Variants in ANGPT2 observed in about 807,000 individuals in gnomAD.
The protein encoded by ANGPT2 is angiopoietin 2.
Under a neutral mutation model 62.9 loss-of-function variants are expected in ANGPT2, and 28 were observed. That is an observed-to-expected ratio of 0.44 (90% confidence interval 0.33 to 0.61). The LOEUF is 0.61. Among genes scored for constraint, ANGPT2 ranks in the 20% least tolerant of loss-of-function variants. The pLI, the probability that ANGPT2 is intolerant of heterozygous loss-of-function variation, is 0.03. For synonymous variants in ANGPT2, 284 were observed against 207.8 expected (o/e 1.37, Z -3.15); for missense variants, 727 against 594.9 (o/e 1.22, Z -2.31).
At chr8:6,558,247 C>G (rs1824968454) in intron 1 of ANGPT2, among the ~76,000 whole-genome samples, 1 of 152,138 alleles carries the variant, frequency 6.6e-6, no homozygotes, top group South Asian at 2.1e-4. Context: ...TCTCTGAGTG[C>G]TAATCTCCAA....
chr8:6,526,105 A>G (rs908829481), intron 3 of ANGPT2, among the ~76,000 whole-genome samples: 1 of 152,072 alleles, frequency 6.6e-6, no homozygotes, highest in East Asian at 1.9e-4. Context: ...TTTGAAGAGA[A>G]CATTACTAAG....
At chr8:6,539,508 G>C (rs888698078) in intron 1 of ANGPT2, among the ~76,000 whole-genome samples, 3 of 152,184 alleles carry the variant, frequency 2.0e-5, no homozygotes, top group Non-Finnish European at 2.9e-5. Context: ...ATGGACGCCT[G>C]CCCACATAGG....
Position 6,513,705 on chromosome 8 carries a change from T to C in ANGPT2, c.1169A>G (p.Tyr390Cys). Reference sequence around the variant, plus strand: ...ATAATTGAGTTCTTCACTTGAGAGATAGAAATGTTCATACAATGAGTAAGC... The same window carrying C: ...ATAATTGAGTTCTTCACTTGAGAGACAGAAATGTTCATACAATGAGTAAGC... ...NEAYSLYEHF[Y>C]LSSEELNYRI... Residue 390 changes from tyrosine to cysteine, a missense_variant, in exon 7 of 9, where the codon TAT (tyrosine) becomes TGT (cysteine). Coordinates refer to ENST00000629816, the MANE Select transcript of ANGPT2 (RefSeq NM_001118887.2). The C allele has an allele frequency of 6.2e-7, 1 of 1,612,726 alleles. No homozygotes were observed. Among genetic ancestry groups the C allele is most frequent in the Non-Finnish European group, 8.5e-7 (1 of 1,179,636 alleles).
intron 1 of ANGPT2, among the ~76,000 whole-genome samples, chr8:6,545,344 T>C (rs1428044701): frequency 6.6e-6 from 1 of 152,200 alleles, no homozygotes; most frequent in Non-Finnish European, 1.5e-5. Flanking sequence ...ATTTCCTGTG[T>C]TTTATATCTC....
intron 7 of ANGPT2, among the ~76,000 whole-genome samples, chr8:6,510,436 A>T (rs543750412): frequency 2.0e-5 from 3 of 152,350 alleles, no homozygotes; most frequent in East Asian, 1.9e-4. Flanking sequence ...AAGCTGCCAC[A>T]TTGGAATAAT....
intron 1 of ANGPT2, among the ~76,000 whole-genome samples, chr8:6,561,100 C>T (rs547938275): frequency 1.3e-5 from 2 of 152,204 alleles, no homozygotes; most frequent in Non-Finnish European, 2.9e-5. Flanking sequence ...ATATAGTTTG[C>T]CTTCCACATA....
intron 1 of ANGPT2, among the ~76,000 whole-genome samples, chr8:6,549,937 C>T (rs1056820511): frequency 6.6e-6 from 1 of 152,214 alleles, no homozygotes; most frequent in Non-Finnish European, 1.5e-5. Context: ...GGGCTCGAGT[C>T]TGAGCTAGCT....
At chr8:6,555,387 A>T (rs558823454) in intron 1 of ANGPT2, among the ~76,000 whole-genome samples, 2 of 151,882 alleles carry the variant, frequency 1.3e-5, no homozygotes, top group Non-Finnish European at 2.9e-5. Flanking sequence ...CTGTAACTAG[A>T]TGTATGGTTT....
At chr8:6,506,429 C>G (rs2442468) in intron 8 of ANGPT2, among the ~76,000 whole-genome samples, 80,120 of 151,926 alleles carry the variant, frequency 0.53, 21,916 homozygotes, top group African/African-American at 0.66. Context: ...CTTGATTTGC[C>G]TAAGTAAATA....
chr8:6,514,340 C>T (rs1056158732), intron 6 of ANGPT2, among the ~76,000 whole-genome samples: 1 of 152,118 alleles, frequency 6.6e-6, no homozygotes, highest in Non-Finnish European at 1.5e-5. Flanking sequence ...CAGGTGTGCA[C>T]CACCACACCT....
At chr8:6,513,931 A>G in intron 6 of ANGPT2, 87 bp from the exon 7 acceptor site, 1 of 1,242,294 alleles carries the variant, frequency 8.0e-7, no homozygotes, top group Non-Finnish European at 1.1e-6. Flanking sequence ...TTAACATAGA[A>G]TAACTATCAA....
At chr8:6,516,737 T>G (rs1473053343) in intron 5 of ANGPT2, among the ~76,000 whole-genome samples, 1 of 152,252 alleles carries the variant, frequency 6.6e-6, no homozygotes, top group Non-Finnish European at 1.5e-5. Context: ...AGCATTGACG[T>G]GGCTCTTGGT....
intron 3 of ANGPT2, among the ~76,000 whole-genome samples, chr8:6,522,000 C>T (rs1246826625): frequency 6.6e-6 from 1 of 152,208 alleles, no homozygotes; most frequent in Non-Finnish European, 1.5e-5. Context: ...ATGTCCTCAC[C>T]TGTTAATTAG....
At chr8:6,562,404 T>C (rs1825667509) in intron 1 of ANGPT2, among the ~76,000 whole-genome samples, 1 of 152,054 alleles carries the variant, frequency 6.6e-6, no homozygotes, top group Admixed American at 6.6e-5. Flanking sequence ...ACTTTAGAGA[T>C]TTTCTGTATT....
At chr8:6,542,979 G>A (rs1401277818) in intron 1 of ANGPT2, among the ~76,000 whole-genome samples, 1 of 152,138 alleles carries the variant, frequency 6.6e-6, no homozygotes, top group East Asian at 1.9e-4. Flanking sequence ...AGCGTGTGTT[G>A]TTTCTGTTTT....
chr8:6,538,649 A>AT (rs2129573110), intron 1 of ANGPT2, among the ~76,000 whole-genome samples: 1 of 152,068 alleles, frequency 6.6e-6, no homozygotes, highest in South Asian at 2.1e-4. Context: ...ACCATCCCCC[A>AT]TTGCATGCCC....
chr8:6,522,525 G>A (rs940201398), intron 3 of ANGPT2, among the ~76,000 whole-genome samples: 8 of 152,184 alleles, frequency 5.3e-5, no homozygotes, highest in African/African-American at 1.9e-4. Flanking sequence ...TATAATCCCA[G>A]CACTTTGGAA....
intron 1 of ANGPT2, among the ~76,000 whole-genome samples, chr8:6,535,280 G>C (rs1820277111): frequency 6.6e-6 from 1 of 152,160 alleles, no homozygotes; most frequent in Non-Finnish European, 1.5e-5. Flanking sequence ...ACTCTCCAGA[G>C]ATATGAGAGG....
chr8:6,513,511 T>C (rs1815615871), intron 7 of ANGPT2, among the ~76,000 whole-genome samples, 167 bp downstream of exon 7: 1 of 152,108 alleles, frequency 6.6e-6, no homozygotes, highest in African/African-American at 2.4e-5. Flanking sequence ...TTTTTTGTAC[T>C]TCTAGTAGAG....
Sources: gnomAD v4.1 joint callset for allele counts (sites outside exome capture counted in the v4.1 genomes callset) on GRCh38, gnomAD v4.1.1 for gene constraint, MANE v1.5 for transcripts, NCBI Gene and HGNC (gene_info 2026-07-23, HGNC 2026-07-21) for gene names.